PDE1C: variants seen among roughly 807,000 people sequenced by gnomAD.
PDE1C encodes the protein dual specificity calcium/calmodulin-dependent 3',5'-cyclic nucleotide phosphodiesterase 1C.
A neutral mutation model predicts 93.1 loss-of-function variants in PDE1C; 62 were observed. That is an observed-to-expected ratio of 0.67 (90% CI 0.54 to 0.82). The LOEUF is 0.82. PDE1C is among the 40% of genes least tolerant of loss of function. The probability of loss-of-function intolerance (pLI) is 0.00; values close to 1 mark genes in which losing one functional copy is unlikely to be tolerated. For missense variants in PDE1C, 742 were observed against 884.6 expected (o/e 0.84, Z 2.04); for synonymous variants, 325 against 310.1 (o/e 1.05, Z -0.50).
chr7:31,957,653 C>CATATT (rs1808325113), intron 2 of PDE1C, among the ~76,000 whole-genome samples: 1 of 152,056 alleles, frequency 6.6e-6, no homozygotes. Context: ...AACACTGGGC[C>CATATT]ATATTAGCAC....
intron 2 of PDE1C, among the ~76,000 whole-genome samples, chr7:32,016,871 A>G (rs1231636414): frequency 1.3e-5 from 2 of 152,104 alleles, no homozygotes; most frequent in Non-Finnish European, 2.9e-5. Flanking sequence ...CTGTTTTAAA[A>G]TTTTCCTCCT....
chr7:31,754,659 A>T (rs1334467398), intron 17 of PDE1C, among the ~76,000 whole-genome samples: 2 of 152,232 alleles, frequency 1.3e-5, no homozygotes, highest in African/African-American at 4.8e-5. Context: ...ATAGCATATG[A>T]TTCCACTTAT....
At chr7:31,641,084 C>T in the PDE1C span, among the ~76,000 whole-genome samples, 19 of 152,198 alleles carry the variant, frequency 1.2e-4, no homozygotes, top group African/African-American at 3.1e-4. Context: ...ACACATGGAC[C>T]GTTAAGGCTC....
At chr7:32,403,214 A>G (rs1784986070) in intron 1 of PDE1C, among the ~76,000 whole-genome samples, 1 of 152,196 alleles carries the variant, frequency 6.6e-6, no homozygotes, top group South Asian at 2.1e-4. Flanking sequence ...AAATTAATAA[A>G]TAGACATTTT....
the PDE1C span, among the ~76,000 whole-genome samples, chr7:31,641,502 T>G: frequency 6.6e-6 from 1 of 152,172 alleles, no homozygotes; most frequent in Admixed American, 6.5e-5. Flanking sequence ...AATTTAATCT[T>G]TAGCATGGTG....
chr7:32,282,709 T>C (rs1811747848), intron 1 of PDE1C, among the ~76,000 whole-genome samples: 1 of 150,656 alleles, frequency 6.6e-6, no homozygotes, highest in Non-Finnish European at 1.5e-5. Context: ...GCCTCCCGAG[T>C]AGCTGGGACT....
At chr7:31,795,822 A>G (rs1307121717) in intron 16 of PDE1C, among the ~76,000 whole-genome samples, 1 of 151,660 alleles carries the variant, frequency 6.6e-6, no homozygotes, top group African/African-American at 2.4e-5. Context: ...TATTCCCCAA[A>G]TTCATAAAAT....
chr7:31,733,559 G>A, the PDE1C span, among the ~76,000 whole-genome samples: 1 of 152,208 alleles, frequency 6.6e-6, no homozygotes, highest in Non-Finnish European at 1.5e-5. Context: ...TCAGAATCCA[G>A]GCTTTTGCAT....
intron 11 of PDE1C, among the ~76,000 whole-genome samples, chr7:31,836,837 T>G (rs1791176797): frequency 6.6e-6 from 1 of 151,988 alleles, no homozygotes; most frequent in Non-Finnish European, 1.5e-5. Flanking sequence ...AACATCTTAA[T>G]CCCATAGGGT....
chr7:32,021,349 A>G (rs1331886948), intron 2 of PDE1C, among the ~76,000 whole-genome samples: 1 of 152,106 alleles, frequency 6.6e-6, no homozygotes, highest in Non-Finnish European at 1.5e-5. Flanking sequence ...ACTTTTATCT[A>G]CAAACCCCAC....
Position 32,084,497 on chromosome 7 carries a change from C to T in PDE1C, c.308+85288G>A, listed in dbSNP as rs1255323399. On this transcript the variant is annotated intron_variant, in intron 3 of 18. Coordinates refer to the PDE1C transcript ENST00000396193. Reference sequence around the variant, plus strand: ...GAATTGAACTCAGCTCTGCACCAAGCAGACCTAATAGACATCTACAGAACT... The same window carrying T: ...GAATTGAACTCAGCTCTGCACCAAGTAGACCTAATAGACATCTACAGAACT... 1.9e-4 allele frequency among the ~76,000 whole-genome samples: 28 copies of T among 148,290 alleles called. No individual in the cohort carries two copies. In the East Asian group the frequency reaches 3.5e-3, roughly 19 times the overall value.
intron 1 of PDE1C, among the ~76,000 whole-genome samples, chr7:32,245,728 CA>C (rs1174174796): frequency 6.6e-6 from 1 of 152,136 alleles, no homozygotes. Flanking sequence ...AGTCCAAAAT[CA>C]AGGCACTGAA....
the PDE1C span, chr7:31,642,710 C>G: frequency 6.2e-7 from 1 of 1,613,918 alleles, no homozygotes; most frequent in Non-Finnish European, 8.5e-7. Context: ...AGCCAGAGTC[C>G]TGCTGAGAAT....
At chr7:31,697,165 CA>C in the PDE1C span, 1 of 1,595,918 alleles carries the variant, frequency 6.3e-7, no homozygotes, top group South Asian at 1.1e-5. Context: ...GGGGACAGGT[CA>C]AGAACCTTAC....
At chr7:32,019,390 T>C (rs2128608440) in intron 2 of PDE1C, among the ~76,000 whole-genome samples, 1 of 152,214 alleles carries the variant, frequency 6.6e-6, no homozygotes, top group South Asian at 2.1e-4. Flanking sequence ...ACAATATGGT[T>C]GGTGCACACA....
At chr7:32,281,253 T>C (rs1324284589) in intron 1 of PDE1C, among the ~76,000 whole-genome samples, 1 of 152,168 alleles carries the variant, frequency 6.6e-6, no homozygotes, top group African/African-American at 2.4e-5. Flanking sequence ...TTTCTAAACA[T>C]GAATTATAAA....
At chr7:31,630,089 G>T in the PDE1C span, among the ~76,000 whole-genome samples, 1 of 151,844 alleles carries the variant, frequency 6.6e-6, no homozygotes, top group Non-Finnish European at 1.5e-5. Flanking sequence ...CTGATTAATT[G>T]GGGAGTTAAT....
the PDE1C span, among the ~76,000 whole-genome samples, chr7:31,649,073 G>A: frequency 1.3e-5 from 2 of 152,210 alleles, no homozygotes; most frequent in South Asian, 4.1e-4. Context: ...ATTGATGCAA[G>A]AGTAATTGCA....
the PDE1C span, among the ~76,000 whole-genome samples, chr7:31,645,657 T>C: frequency 1.3e-5 from 2 of 152,160 alleles, no homozygotes; most frequent in Non-Finnish European, 2.9e-5. Context: ...GGATTTTAAA[T>C]GCCCTAAGTA....
Sources: allele counts gnomAD v4.1 joint callset (sites outside exome capture counted in the v4.1 genomes callset), GRCh38; gene constraint gnomAD v4.1.1; transcripts MANE v1.5; gene names NCBI Gene and HGNC (gene_info 2026-07-23, HGNC 2026-07-21).